Variants in NBEAL1 observed in about 807,000 individuals in gnomAD.
The protein encoded by NBEAL1 is neurobeachin-like protein 1.
In NBEAL1, 273 loss-of-function variants were observed where a neutral mutation model predicts 351.3. The ratio of observed to expected loss-of-function variants is 0.78; its 90% confidence interval spans 0.70 to 0.86. NBEAL1 has a LOEUF of 0.86. Ranked by LOEUF, NBEAL1 falls within the 40% of genes least tolerant of loss-of-function variation. The pLI, the probability that NBEAL1 is intolerant of heterozygous loss-of-function variation, is 0.00. For missense variants in NBEAL1, 2,961 were observed against 3,201.3 expected (o/e 0.92, Z 1.81); for synonymous variants, 1,050 against 1,086.4 (o/e 0.97, Z 0.66).
chr2:203,116,751 T>G (rs2062707442), intron 18 of NBEAL1, among the ~76,000 whole-genome samples: 1 of 147,520 alleles, frequency 6.8e-6, no homozygotes, highest in South Asian at 2.2e-4. Flanking sequence ...GATTGCACCA[T>G]TACGCTCCAG....
intron 34 of NBEAL1, 57 bp from the exon 35 acceptor site, chr2:203,151,408 A>G (rs1251359613): frequency 2.7e-5 from 35 of 1,289,596 alleles, no homozygotes; most frequent in Non-Finnish European, 3.7e-5. Flanking sequence ...TTTAAATCAA[A>G]CAATCTTTGT....
rs556942665 is a variant in NBEAL1, at chr2:203,108,002, G to A, written c.1763G>A (p.Arg588Gln). The change falls in exon 14 of 56, where the codon CGA becomes CAA. Residue 588 changes from arginine to glutamine, a missense_variant. Coordinates refer to ENST00000683969, the MANE Select transcript of NBEAL1 (RefSeq NM_001378026.1). ...ACTCGAGCAATCCTGACAATGGCCC[G>A]AAAACTAAGTCTAGAGAGTGCCCTC... ...PVTRAILTMA[R>Q]KLSLESALQY... 136 of 1,554,386 alleles carry A rather than the reference G, an allele frequency of 8.7e-5. No individual in the cohort carries two copies. Among genetic ancestry groups the A allele is most frequent in the South Asian group, 4.3e-4 (36 of 84,286 alleles).
chr2:203,097,005 T>C (rs995616347), intron 10 of NBEAL1, among the ~76,000 whole-genome samples: 1 of 152,236 alleles, frequency 6.6e-6, no homozygotes, highest in Non-Finnish European at 1.5e-5. Context: ...TTTAATGAAC[T>C]CACGGTTTCT....
chr2:203,139,390 T>G (rs746744501), intron 31 of NBEAL1, among the ~76,000 whole-genome samples: 2 of 152,046 alleles, frequency 1.3e-5, no homozygotes, highest in African/African-American at 2.4e-5. Context: ...TGATAAGATT[T>G]TCACAGCTAT....
At chr2:203,151,736 C>A in intron 35 of NBEAL1, 147 bp downstream of exon 35, 1 of 711,702 alleles carries the variant, frequency 1.4e-6, no homozygotes, top group Non-Finnish European at 2.0e-6. Flanking sequence ...TATATGTTTT[C>A]AGTCCTGTTA....
chr2:203,129,718 A>G (rs752419454), intron 24 of NBEAL1, among the ~76,000 whole-genome samples: 3 of 152,242 alleles, frequency 2.0e-5, no homozygotes, highest in Non-Finnish European at 4.4e-5. Context: ...TCTGTAAGAG[A>G]GATACAAAGT....
chr2:203,078,538 G>A (rs1312594037), intron 8 of NBEAL1, among the ~76,000 whole-genome samples: 1 of 152,058 alleles, frequency 6.6e-6, no homozygotes, highest in Non-Finnish European at 1.5e-5. Flanking sequence ...ATGAGGTTTT[G>A]CCATATTGCC....
intron 8 of NBEAL1, among the ~76,000 whole-genome samples, chr2:203,081,757 T>C (rs753090895): frequency 3.3e-5 from 5 of 152,122 alleles, no homozygotes; most frequent in Non-Finnish European, 5.9e-5. Context: ...GGCTCTAAGA[T>C]AGAGGGGGTA....
intron 45 of NBEAL1, among the ~76,000 whole-genome samples, chr2:203,189,618 C>G (rs551836879): frequency 6.6e-6 from 1 of 151,932 alleles, no homozygotes; most frequent in Non-Finnish European, 1.5e-5. Context: ...AACTCCAGGT[C>G]TCAAGCAGTC....
intron 7 of NBEAL1, 50 bp from the exon 8 acceptor site, chr2:203,077,702 A>G: frequency 9.3e-7 from 1 of 1,078,580 alleles, no homozygotes; most frequent in Non-Finnish European, 1.3e-6. Flanking sequence ...GATAAATCAT[A>G]CTGTGAAAGA....
At chr2:203,075,909 G>A (rs2061763244) in intron 7 of NBEAL1, among the ~76,000 whole-genome samples, 1 of 152,168 alleles carries the variant, frequency 6.6e-6, no homozygotes, top group Non-Finnish European at 1.5e-5. Context: ...TCTGATATAG[G>A]TGGAACTTCT....
intron 47 of NBEAL1, among the ~76,000 whole-genome samples, chr2:203,196,103 C>G (rs2065234736): frequency 6.6e-6 from 1 of 152,198 alleles, no homozygotes; most frequent in Admixed American, 6.5e-5. Context: ...ACACAAGACC[C>G]TATTTGACCC....
chr2:203,135,561 A>G (rs981676063), intron 27 of NBEAL1, 116 bp from the exon 28 acceptor site: 2 of 662,182 alleles, frequency 3.0e-6, no homozygotes, highest in Non-Finnish European at 4.9e-6. Context: ...TTGAAAGTAT[A>G]TTCTTCTATA....
chr2:203,135,001 C>A (rs1443436943), intron 27 of NBEAL1, among the ~76,000 whole-genome samples: 2 of 152,096 alleles, frequency 1.3e-5, no homozygotes, highest in Non-Finnish European at 1.5e-5. Context: ...CATGGTGAAA[C>A]CCTGTCTGTA....
intron 35 of NBEAL1, 29 bp from the exon 36 acceptor site, chr2:203,157,670 G>T (rs1450149228): frequency 6.6e-7 from 1 of 1,526,596 alleles, no homozygotes. Flanking sequence ...TTTACTTTAT[G>T]TTTAATAGAT....
In NBEAL1 at chr2:203,199,281, C is replaced by T. The variant is rs958583669; in HGVS notation, c.7129-57C>T. The T allele has an allele frequency of 1.2e-5, 12 of 965,578 alleles. No individual in the cohort carries two copies. The East Asian group carries it at 2.9e-4, about 23-fold the overall frequency. 59.8% of individuals were successfully genotyped at this position (965,578 alleles called of 1,614,324 possible). The stretch of plus-strand genomic sequence containing the variant: ...AATGTCATGTGAGCATCTGGTTATT[C>T]TGGGCTGCTTTCCTTAATATTTCAT... On this transcript the variant is annotated intron_variant, in intron 48 of 55. Coordinates refer to ENST00000683969, the MANE Select transcript of NBEAL1 (RefSeq NM_001378026.1).
intron 2 of NBEAL1, among the ~76,000 whole-genome samples, chr2:203,035,178 C>G (rs2061021929): frequency 6.7e-6 from 1 of 149,272 alleles, no homozygotes; most frequent in African/African-American, 2.4e-5. Flanking sequence ...AGCTAAACGT[C>G]TGCTGTGCTT....
chr2:203,155,953 G>C (rs1056065006), intron 35 of NBEAL1, among the ~76,000 whole-genome samples: 11 of 152,000 alleles, frequency 7.2e-5, no homozygotes, highest in African/African-American at 2.7e-4. Context: ...TTTCCCATCT[G>C]TATTTCTAGT....
intron 36 of NBEAL1, among the ~76,000 whole-genome samples, chr2:203,158,913 G>A (rs1254590893): frequency 7.1e-6 from 1 of 141,742 alleles, no homozygotes; most frequent in Non-Finnish European, 1.5e-5. Flanking sequence ...TCCACCTCCT[G>A]GTCTCAAGTG....
Sources: allele counts gnomAD v4.1 joint callset (sites outside exome capture counted in the v4.1 genomes callset), GRCh38; gene constraint gnomAD v4.1.1; transcripts MANE v1.5; gene names NCBI Gene and HGNC (gene_info 2026-07-23, HGNC 2026-07-21).